The following TOP1 variants were observed in gnomAD, a reference collection of about 807,000 sequenced individuals.
The protein encoded by TOP1 is DNA topoisomerase I, also known as DNA topoisomerase 1.
Under a neutral mutation model 111.1 loss-of-function variants are expected in TOP1, and 10 were observed. The ratio of observed to expected loss-of-function variants is 0.09; its 90% CI spans 0.06 to 0.15. The LOEUF (loss-of-function observed/expected upper bound fraction) is 0.15, where lower values mean the gene tolerates loss of function less well. TOP1 is among the 10% of genes least tolerant of loss of function. The pLI is 1.00. For missense variants in TOP1, 474 were observed against 926.7 expected (o/e 0.51, Z 6.34); for synonymous variants, 271 against 302.9 (o/e 0.89, Z 1.10).
chr20:41,068,419 T>A (rs1210503078), intron 3 of TOP1, among the ~76,000 whole-genome samples: 1 of 152,198 alleles, frequency 6.6e-6, no homozygotes, highest in Non-Finnish European at 1.5e-5. Flanking sequence ...CTTTTTCTTT[T>A]TTTTTGGAGT....
chr20:41,048,922 G>T (rs2033367238), intron 2 of TOP1, among the ~76,000 whole-genome samples: 1 of 152,220 alleles, frequency 6.6e-6, no homozygotes, highest in Non-Finnish European at 1.5e-5. Flanking sequence ...TAAGACAGTG[G>T]TTGTGGAGAG....
Position 41,079,389 on chromosome 20 carries a change from C to G in TOP1, c.336-696C>G, listed in dbSNP as rs886799034. Among the ~76,000 whole-genome samples the G allele has an allele frequency of 3.9e-5, 6 of 152,156 alleles. No individual in the cohort carries two copies. The highest frequency in any genetic ancestry group is 3.9e-4 in the Admixed American group (6 of 15,276). On this transcript the variant is annotated intron_variant, in intron 5 of 20. Transcript: ENST00000361337. This position sits in a 1 kb window ranked among gnomAD's most constrained non-coding sequence, Gnocchi z 4.0. The stretch of plus-strand genomic sequence containing the variant: ...CTGTTTTGGTTCAAGATGTTTGTCT[C>G]AAAGGATTGTCTTTTTATATTTATA...
At position 41,095,027 on chromosome 20, in the gene TOP1, A is replaced by C. The variant is rs2033965058; in HGVS notation, c.731-2193A>C. 6.6e-6 allele frequency among the ~76,000 whole-genome samples: 1 copy of C among 152,024 alleles called. No individual in the cohort carries two copies. The highest frequency in any genetic ancestry group is 1.5e-5 in the Non-Finnish European group (1 of 67,998). On this transcript the variant is annotated intron_variant, in intron 9 of 20. Transcript: ENST00000361337. This position sits in a 1 kb window ranked among gnomAD's most constrained non-coding sequence, Gnocchi z 4.6. ...AGGACAGAATTCAGTAAAACAGCCC[A>C]AAATCTCATTTTTTTTAAATTTATT...
chr20:41,048,241 C>T (rs1261608339), intron 2 of TOP1, among the ~76,000 whole-genome samples: 2 of 152,070 alleles, frequency 1.3e-5, no homozygotes, highest in Non-Finnish European at 2.9e-5. Flanking sequence ...ATTAATATTG[C>T]TCAGAAGACT....
Position 41,100,307 on chromosome 20 carries a change from G to A in TOP1, c.1163+64G>A, listed in dbSNP as rs1347624195. 7 of 1,398,946 alleles carry A rather than the reference G, an allele frequency of 5.0e-6. No homozygotes were observed. The highest frequency in any genetic ancestry group is 1.9e-4 in the Middle Eastern group (1 of 5,376). The allele number at this position is 1,398,946 out of a possible 1,614,324, so 86.7% of individuals were successfully genotyped here. ...GGAGGGCGTCCTTTATTGTACTTGG[G>A]AATATTTCCCAGGTTACACAGGACT... On this transcript the variant is annotated intron_variant, in intron 12 of 20. Coordinates refer to ENST00000361337, the MANE Select transcript of TOP1 (RefSeq NM_003286.4). This position sits in a 1 kb window ranked among gnomAD's most constrained non-coding sequence, Gnocchi z 4.4.
At position 41,100,288 on chromosome 20, in the gene TOP1, C is replaced by T. The variant is rs1458995034; in HGVS notation, c.1163+45C>T. ...TATGGGCCAAAAAGGGGGTGGAGGG[C>T]GTCCTTTATTGTACTTGGGAATATT... is the stretch of plus-strand genomic sequence containing the variant. On this transcript the variant is annotated intron_variant, in intron 12 of 20. Transcript: ENST00000361337. The surrounding 1 kb of genome is among the most constrained non-coding windows in gnomAD (Gnocchi z 4.4). 4.6e-6 allele frequency: 7 copies of T among 1,522,016 alleles called. No individual in the cohort carries two copies. In the African/African-American group the frequency reaches 8.3e-5, roughly 18 times the overall value. The allele number at this position is 1,522,016 out of a possible 1,614,324, so 94.3% of individuals were successfully genotyped here.
At position 41,095,557 on chromosome 20, in the gene TOP1, C is replaced by T. The variant is rs972141992; in HGVS notation, c.731-1663C>T. Among the ~76,000 whole-genome samples the T allele has an allele frequency of 2.0e-5, 3 of 152,132 alleles. No individual in the cohort carries two copies. Among genetic ancestry groups the T allele is most frequent in the African/African-American group, 7.2e-5 (3 of 41,416 alleles). ...GCTTGGGGGTTGATGGGGGCAGCTGCGCCACCTGTTGGCCTTTTAAGTTAA... is the reference window on the plus strand; with the variant it reads ...GCTTGGGGGTTGATGGGGGCAGCTGTGCCACCTGTTGGCCTTTTAAGTTAA... On this transcript the variant is annotated intron_variant, in intron 9 of 20. Transcript: ENST00000361337. The surrounding 1 kb of genome is among the most constrained non-coding windows in gnomAD (Gnocchi z 4.6).
Position 41,100,787 on chromosome 20 carries a change from T to C in TOP1, c.1164-422T>C, listed in dbSNP as rs1027635879. 2 of 168,654 alleles carry C rather than the reference T, an allele frequency of 1.2e-5. No homozygotes were observed. Among genetic ancestry groups the C allele is most frequent in the African/African-American group, 4.8e-5 (2 of 41,822 alleles). 10.4% of individuals were successfully genotyped at this position (168,654 alleles called of 1,614,324 possible). ...TGCCAACATCACCACTTTCACACTTTGGGGCCTTTATTAAGTAAAAGAAGG... is the reference window on the plus strand; with the variant it reads ...TGCCAACATCACCACTTTCACACTTCGGGGCCTTTATTAAGTAAAAGAAGG... On this transcript the variant is annotated intron_variant, in intron 12 of 20. Transcript: ENST00000361337. This position sits in a 1 kb window ranked among gnomAD's most constrained non-coding sequence, Gnocchi z 4.4.
At position 41,034,333 on chromosome 20, in the gene TOP1, C is replaced by T. The variant is rs182919040; in HGVS notation, c.58+4878C>T. Among the ~76,000 whole-genome samples, 171 of 152,342 alleles carry T rather than the reference C, an allele frequency of 1.1e-3. No individual in the cohort carries two copies. Among genetic ancestry groups the T allele is most frequent in the African/African-American group, 4.0e-3 (166 of 41,572 alleles). ...AAGTTTGAGCAGCAGCTTTCCATCCCCATGGCTCCAGGCCAATAGCTGCAG... is the reference window on the plus strand; with the variant it reads ...AAGTTTGAGCAGCAGCTTTCCATCCTCATGGCTCCAGGCCAATAGCTGCAG... On this transcript the variant is annotated intron_variant, in intron 2 of 20. Coordinates refer to ENST00000361337, the MANE Select transcript of TOP1 (RefSeq NM_003286.4). This position sits in a 1 kb window ranked among gnomAD's most constrained non-coding sequence, Gnocchi z 4.0.
At chr20:41,043,477 A>G (rs1324889047) in intron 2 of TOP1, among the ~76,000 whole-genome samples, 1 of 152,210 alleles carries the variant, frequency 6.6e-6, no homozygotes, top group Non-Finnish European at 1.5e-5. Context: ...TCTACTGAAT[A>G]TATGCCACTT....
chr20:41,111,580 C>T (rs1245191621), intron 13 of TOP1, among the ~76,000 whole-genome samples: 4 of 141,296 alleles, frequency 2.8e-5, no homozygotes, highest in African/African-American at 1.1e-4. Context: ...GCTGGTTGCG[C>T]CCCCACCCCA....
intron 7 of TOP1, 72 bp downstream of exon 7, chr20:41,081,312 A>G (rs769434638): frequency 2.3e-5 from 35 of 1,502,694 alleles, no homozygotes; most frequent in Non-Finnish European, 2.8e-5. Context: ...CAACTTCTTA[A>G]GACAAATGAG....
intron 14 of TOP1, among the ~76,000 whole-genome samples, chr20:41,113,715 C>CAAAAA (rs987087793): frequency 9.6e-6 from 1 of 103,650 alleles, no homozygotes; most frequent in Non-Finnish European, 2.2e-5. Context: ...ACTAAAAATA[C>CAAAAA]AAAAAAAAAA....
chr20:41,059,903 GC>G (rs1386876051), intron 2 of TOP1, among the ~76,000 whole-genome samples: 2 of 152,126 alleles, frequency 1.3e-5, no homozygotes, highest in African/African-American at 4.8e-5. Context: ...TATATGAGAG[GC>G]CAACAAGCAC....
rs147540078 is a variant in TOP1 at position 41,050,654 on chromosome 20, T to C, written c.59-10740T>C. Among the ~76,000 whole-genome samples, 455 of 152,328 alleles carry C rather than the reference T, an allele frequency of 3.0e-3. 1 individual carries two copies. Among genetic ancestry groups the C allele is most frequent in the African/African-American group, 1.0e-2 (415 of 41,578 alleles). ...TATGCCCTTCCCTCTCCCCTAACAG[T>C]TGGGGAATACTTGTTTTTACTCCTC... is the stretch of plus-strand genomic sequence containing the variant. On this transcript the variant is annotated intron_variant, in intron 2 of 20. Transcript: ENST00000361337.
rs2034414504 is a variant in TOP1 at position 41,121,003 on chromosome 20, A to G, written c.1951-693A>G. Among the ~76,000 whole-genome samples the G allele has an allele frequency of 6.6e-6, 1 of 152,080 alleles. No homozygotes were observed. Among genetic ancestry groups the G allele is most frequent in the Non-Finnish European group, 1.5e-5 (1 of 68,008 alleles). ...TGATCCGCCCTCCTCAGCCTCCCCA[A>G]AGTGCTGGGATTACAGGCGTGAGAC... On this transcript the variant is annotated intron_variant, in intron 18 of 20. Coordinates refer to ENST00000361337, the MANE Select transcript of TOP1 (RefSeq NM_003286.4). This position sits in a 1 kb window ranked among gnomAD's most constrained non-coding sequence, Gnocchi z 4.2.
chr20:41,084,311 T>C (rs929505108), intron 7 of TOP1, 151 bp from the exon 8 acceptor site: 2 of 420,572 alleles, frequency 4.8e-6, no homozygotes, highest in Non-Finnish European at 8.8e-6. Flanking sequence ...CAGTACATTG[T>C]TATTCATCTG....
chr20:41,117,501 C>T (rs1422123704), intron 17 of TOP1, among the ~76,000 whole-genome samples: 2 of 150,350 alleles, frequency 1.3e-5, no homozygotes, highest in Non-Finnish European at 3.0e-5. Flanking sequence ...ATTCTCCTGC[C>T]TCAGCCTCCC....
Position 41,122,147 on chromosome 20 carries a change from A to G in TOP1, c.2187A>G (p.Thr729=), listed in dbSNP as rs1414328096. 6.2e-7 allele frequency: 1 copy of G among 1,614,064 alleles called. No homozygotes were observed. Among genetic ancestry groups the G allele is most frequent in the Admixed American group, 1.7e-5 (1 of 60,004 alleles). Reference sequence around the variant, plus strand: ...TCAATTATCTGGACCCTAGGATCACAGTGGCTTGGTAAGTGTTGAGCCCTC... The same window carrying G: ...TCAATTATCTGGACCCTAGGATCACGGTGGCTTGGTAAGTGTTGAGCCCTC... ...SKLNYLDPRI[T]VAWCKKWGVP... is the part of the protein sequence containing the mutation. Residue 729 remains threonine (T), a synonymous_variant, in exon 20 of 21, where the codon ACA becomes ACG. Transcript: ENST00000361337. The surrounding 1 kb of genome is among the most constrained non-coding windows in gnomAD (Gnocchi z 5.4).
Sources: allele counts gnomAD v4.1 joint callset (sites outside exome capture counted in the v4.1 genomes callset), GRCh38; gene constraint gnomAD v4.1.1; non-coding constraint Gnocchi (gnomAD v3.1); transcripts MANE v1.5; gene names NCBI Gene and HGNC (gene_info 2026-07-23, HGNC 2026-07-21).